ATF2: variants seen among roughly 807,000 people sequenced by gnomAD.
ATF2 encodes the protein activating transcription factor 2.
A neutral mutation model predicts 60.6 loss-of-function variants in ATF2; 24 were observed. The observed-to-expected ratio is 0.40, with a 90% CI of 0.29 to 0.56. The LOEUF (loss-of-function observed/expected upper bound fraction) is 0.56, where lower values mean the gene tolerates loss of function less well. Among genes scored for constraint, ATF2 ranks in the 20% least tolerant of loss-of-function variants. ATF2 has a pLI of 0.54. For synonymous variants in ATF2, 206 were observed against 215.4 expected (o/e 0.96, Z 0.38); for missense variants, 433 against 607.7 (o/e 0.71, Z 3.02).
At chr2:175,089,876 C>T (rs1029983885) in intron 12 of ATF2, among the ~76,000 whole-genome samples, 3 of 152,132 alleles carry the variant, frequency 2.0e-5, no homozygotes, top group East Asian at 1.9e-4. Flanking sequence ...AAAATGCTAC[C>T]TATACTTACG....
rs761598166 is a variant in ATF2, at chr2:175,093,103, C to T, written c.1143G>A (p.Glu381=). The change falls in exon 12 of 14, where the codon GAG becomes GAA. Residue 381 remains glutamate (E), a synonymous_variant. Coordinates refer to ENST00000264110, the MANE Select transcript of ATF2 (RefSeq NM_001880.4). Reference sequence around the variant, plus strand: ...ATGAACTCAAGTCTTCAGCTTTCTTCTCTAAAGACTGAACCCAGACTTTCC... The same window carrying T: ...ATGAACTCAAGTCTTCAGCTTTCTTTTCTAAAGACTGAACCCAGACTTTCC... ...QKRKVWVQSL[E]KKAEDLSSLN... is the part of the protein sequence containing the mutation. 2 of 1,614,116 alleles carry T rather than the reference C, an allele frequency of 1.2e-6. No individual in the cohort carries two copies. Among genetic ancestry groups the T allele is most frequent in the East Asian group, 4.5e-5 (2 of 44,896 alleles).
At chr2:175,097,014 A>G (rs974467845) in intron 11 of ATF2, among the ~76,000 whole-genome samples, 6 of 152,334 alleles carry the variant, frequency 3.9e-5, no homozygotes, top group Non-Finnish European at 8.8e-5. Flanking sequence ...TAAGAAAACA[A>G]GATACAATTT....
chr2:175,103,912 G>A (rs895960560), intron 10 of ATF2, among the ~76,000 whole-genome samples: 1 of 151,976 alleles, frequency 6.6e-6, no homozygotes, highest in Non-Finnish European at 1.5e-5. Context: ...ATTATATCCT[G>A]GGAATTTTTC....
At chr2:175,077,021 C>T (rs943751777) in intron 13 of ATF2, among the ~76,000 whole-genome samples, 2 of 140,816 alleles carry the variant, frequency 1.4e-5, no homozygotes, top group African/African-American at 5.3e-5. Flanking sequence ...TTGTTCAATT[C>T]CTACCTATGA....
intron 3 of ATF2, 90 bp downstream of exon 3, chr2:175,136,322 C>T: frequency 1.6e-6 from 2 of 1,250,948 alleles, no homozygotes; most frequent in Non-Finnish European, 2.3e-6. Context: ...AAAAACACCA[C>T]AAATACTTAC....
chr2:175,152,167 G>T (rs996374568), intron 1 of ATF2, among the ~76,000 whole-genome samples: 2 of 152,154 alleles, frequency 1.3e-5, no homozygotes, highest in African/African-American at 4.8e-5. Flanking sequence ...AATGTAAGAT[G>T]TCCAGATACC....
intron 12 of ATF2, among the ~76,000 whole-genome samples, chr2:175,089,843 G>A (rs1416936317): frequency 6.6e-6 from 1 of 152,106 alleles, no homozygotes; most frequent in Non-Finnish European, 1.5e-5. Context: ...ACCATCGTTT[G>A]CACCTTGGTA....
At chr2:175,118,485 T>C in intron 5 of ATF2, 116 bp from the exon 6 acceptor site, 1 of 829,852 alleles carries the variant, frequency 1.2e-6, no homozygotes, top group African/African-American at 1.8e-5. Context: ...ATTCTCTCTT[T>C]GGAAAGACCT....
chr2:175,114,535 AAAG>A (rs1559080180), intron 8 of ATF2, 152 bp downstream of exon 8: 11 of 1,346,684 alleles, frequency 8.2e-6, no homozygotes, highest in Non-Finnish European at 9.6e-6. Flanking sequence ...TATTTATATT[AAAG>A]AAGACTACGC....
chr2:175,166,009 A>C (rs1559134524), intron 1 of ATF2, among the ~76,000 whole-genome samples: 1 of 152,218 alleles, frequency 6.6e-6, no homozygotes. Context: ...CGCCAAAGAA[A>C]AAAGTGCAGG....
intron 3 of ATF2, among the ~76,000 whole-genome samples, chr2:175,134,149 A>G (rs549979080): frequency 6.6e-6 from 1 of 152,318 alleles, no homozygotes; most frequent in African/African-American, 2.4e-5. Context: ...ACATGTACAG[A>G]CTTTTTTTCT....
At chr2:175,077,964 T>A (rs1183788248) in intron 13 of ATF2, among the ~76,000 whole-genome samples, 1 of 152,112 alleles carries the variant, frequency 6.6e-6, no homozygotes, top group Non-Finnish European at 1.5e-5. Flanking sequence ...TCTACCTATG[T>A]CCACAAGTTT....
chr2:175,077,476 T>C (rs1312740421), intron 13 of ATF2, among the ~76,000 whole-genome samples: 1 of 152,190 alleles, frequency 6.6e-6, no homozygotes, highest in Non-Finnish European at 1.5e-5. Flanking sequence ...CCTGACTTTT[T>C]AATGATCACC....
chr2:175,104,944 C>T (rs1421265452), intron 10 of ATF2, among the ~76,000 whole-genome samples: 17 of 151,982 alleles, frequency 1.1e-4, no homozygotes, highest in Admixed American at 1.1e-3. Flanking sequence ...AGATAATGGG[C>T]CTGTGATTTT....
At chr2:175,162,106 C>A (rs1290515778) in intron 1 of ATF2, among the ~76,000 whole-genome samples, 1 of 152,132 alleles carries the variant, frequency 6.6e-6, no homozygotes, top group Non-Finnish European at 1.5e-5. Flanking sequence ...AGTGTACAAA[C>A]CACATAAAAC....
At chr2:175,091,812 G>C (rs1306288435) in intron 12 of ATF2, among the ~76,000 whole-genome samples, 1 of 152,216 alleles carries the variant, frequency 6.6e-6, no homozygotes, top group East Asian at 1.9e-4. Context: ...GCAGTGAGCC[G>C]AGATTGCACC....
chr2:175,108,520 C>T (rs892527510), intron 10 of ATF2, among the ~76,000 whole-genome samples: 13 of 149,392 alleles, frequency 8.7e-5, no homozygotes, highest in African/African-American at 3.0e-4. Context: ...GGGGGGTCAG[C>T]CCCCGCCCGG....
At chr2:175,162,666 T>C (rs962997566) in intron 1 of ATF2, among the ~76,000 whole-genome samples, 2 of 152,206 alleles carry the variant, frequency 1.3e-5, no homozygotes, top group Non-Finnish European at 2.9e-5. Flanking sequence ...ATAAAGGTTA[T>C]ACAACATGGA....
rs764879446 is a variant in ATF2 at position 175,114,734 on chromosome 2, T to C, written c.582A>G (p.Ser194=). The C allele has an allele frequency of 3.1e-6, 5 of 1,613,976 alleles. No homozygotes were observed. The highest frequency in any genetic ancestry group is 4.2e-6 in the Non-Finnish European group (5 of 1,179,900). ...IIQQAVPSPT[S]STVITQAPSS... is the part of the protein sequence containing the mutation. ...ATGGTGCCTGGGTGATTACAGTACTTGAGGTTGGTGAAGGTACTGCCTGCT... is the reference window on the plus strand; with the variant it reads ...ATGGTGCCTGGGTGATTACAGTACTCGAGGTTGGTGAAGGTACTGCCTGCT... Residue 194 remains serine, a synonymous_variant, in exon 8 of 14, where the codon TCA becomes TCG. Coordinates refer to ENST00000264110, the MANE Select transcript of ATF2 (RefSeq NM_001880.4).
Sources: gnomAD v4.1 joint callset for allele counts (sites outside exome capture counted in the v4.1 genomes callset) on GRCh38, gnomAD v4.1.1 for gene constraint, MANE v1.5 for transcripts, NCBI Gene and HGNC (gene_info 2026-07-23, HGNC 2026-07-21) for gene names.